Variants in PRDM1 observed in about 807,000 individuals in gnomAD.
PRDM1 encodes PR/SET domain 1, also known as PR domain zinc finger protein 1.
PRDM1 carries 13 observed loss-of-function variants against 62.8 expected under a neutral mutation model. That is an observed-to-expected ratio of 0.21 (90% CI 0.13 to 0.33). PRDM1 has a LOEUF of 0.33. Ranked by LOEUF, PRDM1 falls within the 10% of genes least tolerant of loss-of-function variation. The pLI, the probability that PRDM1 is intolerant of heterozygous loss-of-function variation, is 1.00. For missense variants in PRDM1, 895 were observed against 1,058.8 expected (o/e 0.85, Z 2.15); for synonymous variants, 396 against 417.6 (o/e 0.95, Z 0.63).
intron 1 of PRDM1, among the ~76,000 whole-genome samples, chr6:106,018,765 C>A (rs930940785): frequency 1.1e-4 from 17 of 152,078 alleles, no homozygotes; most frequent in African/African-American, 3.9e-4. Context: ...CATGACTTAT[C>A]ACTGTCGACG....
At chr6:106,039,403 G>A (rs749797814) in intron 1 of PRDM1, among the ~76,000 whole-genome samples, 5 of 152,186 alleles carry the variant, frequency 3.3e-5, no homozygotes, top group Non-Finnish European at 7.3e-5. Flanking sequence ...TAAGAGAAAA[G>A]TGACTCAATC....
At chr6:106,017,508 A>C (rs966103878) in intron 1 of PRDM1, among the ~76,000 whole-genome samples, 20 of 152,216 alleles carry the variant, frequency 1.3e-4, no homozygotes, top group African/African-American at 4.6e-4. Context: ...CCTCCACCCT[A>C]CCCTTGCCGG....
chr6:106,055,433 A>G (rs1009916604), intron 1 of PRDM1, among the ~76,000 whole-genome samples: 2 of 152,192 alleles, frequency 1.3e-5, no homozygotes, highest in East Asian at 3.8e-4. Flanking sequence ...CACTATTATA[A>G]CTAGTTGTCT....
intron 1 of PRDM1, among the ~76,000 whole-genome samples, chr6:106,058,252 C>A (rs187047494): frequency 3.3e-5 from 5 of 152,268 alleles, no homozygotes; most frequent in Admixed American, 2.0e-4. Context: ...AGGGTCCAGC[C>A]AAGTTGGGTT....
At chr6:106,100,650 C>T (rs764590566) in intron 4 of PRDM1, 1 of 152,210 alleles carries the variant, frequency 6.6e-6, no homozygotes. Flanking sequence ...TTACCCTAGT[C>T]ATATATAATC....
At position 106,092,836 on chromosome 6, in the gene PRDM1, C is replaced by G. The variant is rs143545172; in HGVS notation, c.292-2779C>G. The stretch of plus-strand genomic sequence containing the variant: ...TGAAGATGTTTACTGTATATTAGAA[C>G]GCTAGACTTAGAATGGATATAGGTG... On this transcript the variant is annotated intron_variant, in intron 2 of 6. Coordinates refer to ENST00000369096, the MANE Select transcript of PRDM1 (RefSeq NM_001198.4). Among the ~76,000 whole-genome samples the G allele has an allele frequency of 3.3e-5, 5 of 152,262 alleles. No individual in the cohort carries two copies. The South Asian group carries it at 8.3e-4, about 25-fold the overall frequency.
At chr6:106,063,501 T>G (rs760677489) in intron 1 of PRDM1, among the ~76,000 whole-genome samples, 14 of 152,186 alleles carry the variant, frequency 9.2e-5, no homozygotes, top group Non-Finnish European at 8.8e-5. Flanking sequence ...GTGATACATA[T>G]TTTCTCTGGG....
intron 1 of PRDM1, among the ~76,000 whole-genome samples, chr6:106,003,554 G>C (rs1221662539): frequency 6.6e-6 from 1 of 152,086 alleles, no homozygotes; most frequent in Non-Finnish European, 1.5e-5. Flanking sequence ...TTTATTTGGG[G>C]CTGGTAACAT....
chr6:106,105,203 A>G lies in PRDM1; in HGVS notation c.1043A>G (p.Lys348Arg). 1 of 1,613,656 alleles carries G rather than the reference A, an allele frequency of 6.2e-7. No homozygotes were observed. Among genetic ancestry groups the G allele is most frequent in the Non-Finnish European group, 8.5e-7 (1 of 1,179,956 alleles). ...SARSSPDQSL[K>R]SSSPHSSPGN... ...AGAAGCAGCCCCGACCAAAGCCTCAAGAGCTCCAGCCCTCACAGCAGCCCT... is the reference window on the plus strand; with the variant it reads ...AGAAGCAGCCCCGACCAAAGCCTCAGGAGCTCCAGCCCTCACAGCAGCCCT... The change falls in exon 5 of 7, where the codon AAG becomes AGG. Residue 348 changes from lysine (K) to arginine (R), a missense_variant. Lys to Arg is a conservative substitution (Grantham distance 26). Transcript: ENST00000369096.
At chr6:106,099,239 G>A (rs1276063820) in intron 3 of PRDM1, 61 bp from the exon 4 acceptor site, 2 of 1,609,524 alleles carry the variant, frequency 1.2e-6, no homozygotes, top group East Asian at 4.5e-5. Context: ...TTTATTCTGA[G>A]AGGTGCTGGG....
At chr6:106,039,421 T>C (rs761878378) in intron 1 of PRDM1, among the ~76,000 whole-genome samples, 1 of 152,244 alleles carries the variant, frequency 6.6e-6, no homozygotes, top group Non-Finnish European at 1.5e-5. Flanking sequence ...ATCCCTGTTA[T>C]GTTTGTCTAA....
In PRDM1 at chr6:106,107,227, A is replaced by T. The variant is rs2114664346; in HGVS notation, c.2219A>T (p.Asp740Val). The T allele has an allele frequency of 6.2e-7, 1 of 1,614,210 alleles. No homozygotes were observed. The highest frequency in any genetic ancestry group is 8.5e-7 in the Non-Finnish European group (1 of 1,180,044). ...AAGTTTGACATCAGTGACAATGCTG[A>T]CCGGCTCGAGGACGTGGAGGATGAC... ...IEKFDISDNA[D>V]RLEDVEDDIS... Residue 740 changes from aspartate to valine, a missense_variant, in exon 7 of 7, where the codon GAC becomes GTC. Asp to Val is a radical substitution (Grantham distance 152, BLOSUM62 -3). This residue lies in a region of PRDM1 where 164 missense variants were observed against 179.9 expected (regional missense o/e 0.91). Coordinates refer to ENST00000369096, the MANE Select transcript of PRDM1 (RefSeq NM_001198.4).
At chr6:106,103,353 G>A (rs144733359) in intron 4 of PRDM1, among the ~76,000 whole-genome samples, 6 of 152,284 alleles carry the variant, frequency 3.9e-5, no homozygotes, top group Non-Finnish European at 8.8e-5. Flanking sequence ...GATAGCAAGT[G>A]TGGAGTTCTT....
chr6:106,099,747 GTATATA>G, intron 4 of PRDM1, 195 bp downstream of exon 4: 3 of 651,414 alleles, frequency 4.6e-6, no homozygotes, highest in Non-Finnish European at 7.6e-6. Flanking sequence ...TCATTTAAAA[GTATATA>G]TATATATGAG....
upstream of PRDM1, among the ~76,000 whole-genome samples, chr6:106,043,781 G>A (rs1414701119): frequency 6.6e-6 from 1 of 151,960 alleles, no homozygotes; most frequent in Non-Finnish European, 1.5e-5. Context: ...TGATCCGCCC[G>A]CCTCAGACTC....
At chr6:106,025,647 G>A (rs1772753975) in intron 1 of PRDM1, among the ~76,000 whole-genome samples, 1 of 152,120 alleles carries the variant, frequency 6.6e-6, no homozygotes, top group African/African-American at 2.4e-5. Flanking sequence ...ATATGCAAGA[G>A]TAATTTTCAT....
intron 1 of PRDM1, among the ~76,000 whole-genome samples, chr6:106,054,481 C>A (rs965885708): frequency 4.6e-5 from 7 of 151,976 alleles, no homozygotes; most frequent in African/African-American, 1.7e-4. Context: ...TCAAGATTTT[C>A]TTTTAAGAAT....
chr6:106,009,203 A>T (rs755216259), intron 1 of PRDM1, among the ~76,000 whole-genome samples: 2 of 152,236 alleles, frequency 1.3e-5, no homozygotes, highest in African/African-American at 2.4e-5. Flanking sequence ...AGGAAATTGG[A>T]CAAATTCCAA....
chr6:106,037,060 C>G (rs1249280855), intron 1 of PRDM1, among the ~76,000 whole-genome samples: 1 of 152,178 alleles, frequency 6.6e-6, no homozygotes, highest in African/African-American at 2.4e-5. Context: ...GCATTTCTTG[C>G]AGGACAGTTC....
Sources: allele counts gnomAD v4.1 joint callset (sites outside exome capture counted in the v4.1 genomes callset), GRCh38; gene constraint gnomAD v4.1.1; regional missense constraint gnomAD v4.1.1; transcripts MANE v1.5; gene names NCBI Gene and HGNC (gene_info 2026-07-23, HGNC 2026-07-21).